RADIL: variants seen among roughly 807,000 people sequenced by gnomAD.
The protein encoded by RADIL is ras-associating and dilute domain-containing protein.
A neutral mutation model predicts 97.6 loss-of-function variants in RADIL; 99 were observed. The observed-to-expected ratio is 1.01, with a 90% CI of 0.86 to 1.20. The LOEUF is 1.20. Among genes scored for constraint, RADIL ranks in the 50% most tolerant of loss-of-function variants. The pLI, the probability that RADIL is intolerant of heterozygous loss-of-function variation, is 0.00. For missense variants in RADIL, 1,765 were observed against 1,498.9 expected (o/e 1.18, Z -2.93); for synonymous variants, 803 against 691.8 (o/e 1.16, Z -2.52).
intron 2 of RADIL, among the ~76,000 whole-genome samples, chr7:4,850,407 G>A (rs2115020176): frequency 6.6e-6 from 1 of 152,304 alleles, no homozygotes; most frequent in African/African-American, 2.4e-5. Flanking sequence ...CTGCATGGCA[G>A]AAGAGATTCT....
chr7:4,807,353 T>C (rs1484979209), intron 9 of RADIL, among the ~76,000 whole-genome samples: 1 of 151,914 alleles, frequency 6.6e-6, no homozygotes, highest in Non-Finnish European at 1.5e-5. Context: ...CCGGGGGTGG[T>C]TCTGTTTGAT....
At chr7:4,843,304 C>T (rs949939181) in intron 2 of RADIL, among the ~76,000 whole-genome samples, 31 of 152,112 alleles carry the variant, frequency 2.0e-4, no homozygotes, top group African/African-American at 7.2e-4. Context: ...TGAGCCACCG[C>T]GCCCGGCCAA....
rs1004873956 is a variant in RADIL at position 4,879,021 on chromosome 7, T to A, written c.-64-818A>T. Among the ~76,000 whole-genome samples the A allele has an allele frequency of 1.3e-5, 2 of 152,130 alleles. No homozygotes were observed. The highest frequency in any genetic ancestry group is 2.4e-5 in the African/African-American group (1 of 41,434). The stretch of plus-strand genomic sequence containing the variant: ...GACACAAACCCCCAGAATCTACCCC[T>A]CAGGGCAAGAGACCCGTCCTGGCTT... On this transcript the variant is annotated intron_variant, in intron 1 of 14. Coordinates refer to ENST00000399583, the MANE Select transcript of RADIL (RefSeq NM_018059.5). This position sits in a 1 kb window ranked among gnomAD's most constrained non-coding sequence, Gnocchi z 4.1.
intron 9 of RADIL, among the ~76,000 whole-genome samples, chr7:4,806,304 T>C (rs1466763602): frequency 3.3e-5 from 5 of 152,082 alleles, no homozygotes; most frequent in African/African-American, 1.2e-4. Flanking sequence ...CTTGCACCAT[T>C]ATGTCCAGCT....
rs1271403983 is a variant in RADIL at position 4,813,546 on chromosome 7, T to C, written c.2139+1732A>G. On this transcript the variant is annotated intron_variant, in intron 9 of 14. Coordinates refer to ENST00000399583, the MANE Select transcript of RADIL (RefSeq NM_018059.5). The surrounding 1 kb of genome is among the most constrained non-coding windows in gnomAD (Gnocchi z 5.0). Reference sequence around the variant, plus strand: ...TGTGAGATGGCCAGTGCTGTGCTGTTCCAGTTTCTGTTTCCCCACCAGTGG... The same window carrying C: ...TGTGAGATGGCCAGTGCTGTGCTGTCCCAGTTTCTGTTTCCCCACCAGTGG... 6.6e-6 allele frequency among the ~76,000 whole-genome samples: 1 copy of C among 152,224 alleles called. No individual in the cohort carries two copies. Among genetic ancestry groups the C allele is most frequent in the Non-Finnish European group, 1.5e-5 (1 of 68,032 alleles).
At position 4,814,902 on chromosome 7, in the gene RADIL, C is replaced by T. The variant is rs1343698584; in HGVS notation, c.2139+376G>A. Among the ~76,000 whole-genome samples, 3 of 152,214 alleles carry T rather than the reference C, an allele frequency of 2.0e-5. No individual in the cohort carries two copies. The highest frequency in any genetic ancestry group is 7.2e-5 in the African/African-American group (3 of 41,446). ...GGCCCCTCCTCCAGCCTCAGAGCCA[C>T]ATCCCCTCTTCTTCTGTTTCTCTCT... On this transcript the variant is annotated intron_variant, in intron 9 of 14. Coordinates refer to ENST00000399583, the MANE Select transcript of RADIL (RefSeq NM_018059.5). This position sits in a 1 kb window ranked among gnomAD's most constrained non-coding sequence, Gnocchi z 4.5.
At chr7:4,858,158 G>A (rs1231047477) in intron 2 of RADIL, 1 of 152,274 alleles carries the variant, frequency 6.6e-6, no homozygotes, top group Admixed American at 6.5e-5. Flanking sequence ...AATGGTGAAA[G>A]AAAAGTCTCT....
At position 4,809,733 on chromosome 7, in the gene RADIL, AGTGC is replaced by A. The variant is rs1782484057; in HGVS notation, c.2140-4021_2140-4018del. The A allele has an allele frequency of 1.7e-5, 12 of 717,136 alleles. No homozygotes were observed. The South Asian group carries it at 7.5e-4, about 45-fold the overall frequency. The allele number at this position is 717,136 out of a possible 1,614,324, so 44.4% of individuals were successfully genotyped here. On this transcript the variant is annotated intron_variant, in intron 9 of 14. Transcript: ENST00000399583. ...GGTTTCGCTCTGTCGCCCAGGCCGG[AGTGC>A]AGTGGCGTGATCTCGGCTCACTGCA...
At position 4,854,964 on chromosome 7, in the gene RADIL, C is replaced by A. The variant is rs186752943; in HGVS notation, c.536-18359G>T. Among the ~76,000 whole-genome samples the A allele has an allele frequency of 1.1e-3, 173 of 152,256 alleles. No homozygotes were observed. Among genetic ancestry groups the A allele is most frequent in the African/African-American group, 4.0e-3 (165 of 41,548 alleles). ...CATGGCCTTTTTTCATTTATAGTTACACCACACATTTTTGGAACCCTAAAT... is the reference window on the plus strand; with the variant it reads ...CATGGCCTTTTTTCATTTATAGTTAAACCACACATTTTTGGAACCCTAAAT... On this transcript the variant is annotated intron_variant, in intron 2 of 14. Coordinates refer to ENST00000399583, the MANE Select transcript of RADIL (RefSeq NM_018059.5). The surrounding 1 kb of genome is among the most constrained non-coding windows in gnomAD (Gnocchi z 5.1).
At chr7:4,811,037 C>T (rs777745351) in intron 9 of RADIL, among the ~76,000 whole-genome samples, 11 of 151,548 alleles carry the variant, frequency 7.3e-5, no homozygotes, top group African/African-American at 1.7e-4. Flanking sequence ...CTCAAGAGGC[C>T]GAGGCAGGAG....
chr7:4,875,969 G>A (rs1161766353), intron 2 of RADIL, among the ~76,000 whole-genome samples: 2 of 152,068 alleles, frequency 1.3e-5, no homozygotes, highest in Non-Finnish European at 2.9e-5. Context: ...GACTTTAAGA[G>A]CCATAATTAA....
intron 5 of RADIL, among the ~76,000 whole-genome samples, chr7:4,823,571 G>A (rs988781636): frequency 6.6e-6 from 1 of 152,164 alleles, no homozygotes; most frequent in African/African-American, 2.4e-5. Flanking sequence ...GGTTGGGGGG[G>A]CGCCCTTCCC....
At chr7:4,830,872 T>C (rs1205547668) in intron 5 of RADIL, among the ~76,000 whole-genome samples, 2 of 151,890 alleles carry the variant, frequency 1.3e-5, no homozygotes, top group East Asian at 1.9e-4. Context: ...AAAACAAAAA[T>C]TAGCTGGCCG....
In RADIL at chr7:4,850,752, G is replaced by A. The variant is rs78475007; in HGVS notation, c.536-14147C>T. 2.0e-3 allele frequency among the ~76,000 whole-genome samples: 303 copies of A among 152,306 alleles called. 4 individuals are homozygous for A. Among genetic ancestry groups the A allele is most frequent in the African/African-American group, 6.9e-3 (287 of 41,564 alleles). ...TTGTGAGTCTGAAAGAGGCCCCTGA[G>A]CTCCAGAAAGGAACGCAGCCCAGCC... is the stretch of plus-strand genomic sequence containing the variant. On this transcript the variant is annotated intron_variant, in intron 2 of 14. Coordinates refer to ENST00000399583, the MANE Select transcript of RADIL (RefSeq NM_018059.5).
Position 4,819,866 on chromosome 7 carries a change from A to G in RADIL, c.1616-2515T>C, listed in dbSNP as rs576065525. Among the ~76,000 whole-genome samples the G allele has an allele frequency of 5.9e-5, 9 of 152,236 alleles. No homozygotes were observed. The South Asian group carries it at 1.7e-3, about 28-fold the overall frequency. ...CCTGGCTCCCATCGCCGGGCCAAACACTGCTCAGGCCCCTGACCAAAAATA... is the reference window on the plus strand; with the variant it reads ...CCTGGCTCCCATCGCCGGGCCAAACGCTGCTCAGGCCCCTGACCAAAAATA... On this transcript the variant is annotated intron_variant, in intron 6 of 14. Transcript: ENST00000399583. This position sits in a 1 kb window ranked among gnomAD's most constrained non-coding sequence, Gnocchi z 5.8.
intron 2 of RADIL, 47 bp from the exon 3 acceptor site, chr7:4,836,652 C>G: frequency 6.3e-7 from 1 of 1,599,692 alleles, no homozygotes; most frequent in Non-Finnish European, 8.5e-7. Flanking sequence ...TCTCATAGCA[C>G]CAGGACTGGG....
rs2115144655 is a variant in RADIL, at chr7:4,797,364, G to A, written c.*2014C>T. ...CTTCAGTCTGGCTTGGAAGGTCCCA[G>A]AATATCACTTATGCTGCATCCTGTT... On this transcript the variant is annotated 3_prime_UTR_variant, in exon 15 of 15. Transcript: ENST00000399583. 1 of 152,374 alleles carries A rather than the reference G, an allele frequency of 6.6e-6. No homozygotes were observed. The highest frequency in any genetic ancestry group is 2.1e-4 in the South Asian group (1 of 4,830). The allele number at this position is 152,374 out of a possible 1,614,324, so 9.4% of individuals were successfully genotyped here.
chr7:4,806,198 G>A (rs1424506118), intron 9 of RADIL, among the ~76,000 whole-genome samples: 1 of 152,242 alleles, frequency 6.6e-6, no homozygotes, highest in Non-Finnish European at 1.5e-5. Context: ...CACGCAGGTT[G>A]GGGTGCAGTG....
Position 4,832,142 on chromosome 7 carries a change from G to A in RADIL, c.1453C>T (p.Leu485Phe). The A allele has an allele frequency of 6.2e-7, 1 of 1,609,804 alleles. No individual in the cohort carries two copies. Among genetic ancestry groups the A allele is most frequent in the South Asian group, 1.1e-5 (1 of 90,560 alleles). The change falls in exon 5 of 15, where the codon CTC becomes TTC. Residue 485 changes from leucine (L) to phenylalanine (F), a missense_variant and splice_region_variant. Physicochemically the swap from Leu to Phe is conservative, Grantham distance 22. Transcript: ENST00000399583. ...GCACAATAACCGGGTCATACTCACAGTTGCGCCTGCTTCTCTGCTAGTTCT... is the reference window on the plus strand; with the variant it reads ...GCACAATAACCGGGTCATACTCACAATTGCGCCTGCTTCTCTGCTAGTTCT... The part of the protein sequence containing the change: ...TKELAEKQAQ[L>F]QEPISLASCA...
Sources: allele counts gnomAD v4.1 joint callset (sites outside exome capture counted in the v4.1 genomes callset), GRCh38; gene constraint gnomAD v4.1.1; non-coding constraint Gnocchi (gnomAD v3.1); transcripts MANE v1.5; gene names NCBI Gene and HGNC (gene_info 2026-07-23, HGNC 2026-07-21).